The following NR1H3 variants were observed in gnomAD, a reference collection of about 807,000 sequenced individuals.
NR1H3 encodes the protein oxysterols receptor LXR-alpha.
A neutral mutation model predicts 48.1 loss-of-function variants in NR1H3; 19 were observed. The ratio of observed to expected loss-of-function variants is 0.40; its 90% confidence interval spans 0.28 to 0.58. The LOEUF is 0.58. Ranked by LOEUF, NR1H3 falls within the 20% of genes least tolerant of loss-of-function variation. NR1H3 has a pLI of 0.50. For synonymous variants in NR1H3, 232 were observed against 227.3 expected, an observed-to-expected ratio of 1.02 and a Z score of -0.19; for missense variants, 486 against 595.9, an observed-to-expected ratio of 0.82 and a Z score of 1.92.
In NR1H3 at chr11:47,268,793, C is replaced by A; in HGVS notation, c.*97C>A. 6.9e-7 allele frequency: 1 copy of A among 1,447,592 alleles called. No homozygotes were observed. The highest frequency in any genetic ancestry group is 1.3e-5 in the South Asian group (1 of 77,576). The allele number at this position is 1,447,592 out of a possible 1,614,324, so 89.7% of individuals were successfully genotyped here. ...AACAGACTGAGAAGGGCAAACATTCCTGGGAGCTGGGCAAGGAGATCCTCC... is the reference window on the plus strand; with the variant it reads ...AACAGACTGAGAAGGGCAAACATTCATGGGAGCTGGGCAAGGAGATCCTCC... On this transcript the variant is annotated 3_prime_UTR_variant, in exon 10 of 10. Coordinates refer to ENST00000441012, the MANE Select transcript of NR1H3 (RefSeq NM_005693.4).
chr11:47,267,944 C>G lies in NR1H3; in HGVS notation c.1020C>G (p.Phe340Leu). The G allele has an allele frequency of 7.4e-6, 12 of 1,614,102 alleles. No individual in the cohort carries two copies. The highest frequency in any genetic ancestry group is 1.0e-5 in the Non-Finnish European group (12 of 1,180,000). The change falls in exon 8 of 10, where the codon TTC becomes TTG. Residue 340 changes from phenylalanine to leucine, a missense_variant. Phe to Leu is a conservative substitution (Grantham distance 22). Coordinates refer to ENST00000441012, the MANE Select transcript of NR1H3 (RefSeq NM_005693.4). ...GLQVEFINPI[F>L]EFSRAMNELQ... ...AAGTGGAATTCATCAACCCCATCTT[C>G]GAGTTCTCCAGGGCCATGAATGAGC... is the stretch of plus-strand genomic sequence containing the variant.
At chr11:47,253,374 T>C (rs947331977), upstream of NR1H3, among the ~76,000 whole-genome samples, 1 of 152,204 alleles carries the variant, frequency 6.6e-6, no homozygotes, top group Admixed American at 6.5e-5. Flanking sequence ...ATGTATGTAG[T>C]AGGGATGAAA....
upstream of NR1H3, among the ~76,000 whole-genome samples, chr11:47,253,183 A>G (rs1165932851): frequency 1.6e-5 from 2 of 125,400 alleles, no homozygotes; most frequent in Non-Finnish European, 1.6e-5. Context: ...TGCCTAGGCT[A>G]GTCTCAAACT....
intron 8 of NR1H3, 97 bp from the exon 9 acceptor site, chr11:47,268,164 G>T: frequency 7.9e-7 from 1 of 1,271,846 alleles, no homozygotes; most frequent in Non-Finnish European, 1.1e-6. Flanking sequence ...GGATGAGAGA[G>T]CTTGGCTGGA....
rs1210942775 is a variant in NR1H3 at position 47,261,326 on chromosome 11, G to A, written c.585G>A (p.Arg195=). 6.2e-7 allele frequency: 1 copy of A among 1,613,916 alleles called. No homozygotes were observed. Among genetic ancestry groups the A allele is most frequent in the Admixed American group, 1.7e-5 (1 of 59,982 alleles). The part of the protein sequence containing the change: ...EQAHATSLPP[R]ASSPPQILPQ... ...CTCATGCCACATCCTTGCCCCCCAGGGCTTCCTCACCCCCCCAAATCCTGC... is the reference window on the plus strand; with the variant it reads ...CTCATGCCACATCCTTGCCCCCCAGAGCTTCCTCACCCCCCCAAATCCTGC... The change falls in exon 5 of 10, where the codon AGG becomes AGA. Residue 195 remains arginine (R), a synonymous_variant. Transcript: ENST00000441012.
intron 7 of NR1H3, among the ~76,000 whole-genome samples, chr11:47,263,479 G>A (rs1200185154): frequency 6.6e-6 from 1 of 151,652 alleles, no homozygotes; most frequent in African/African-American, 2.4e-5. Flanking sequence ...TGCCCAGGCT[G>A]GTCTCAAAAT....
upstream of NR1H3, among the ~76,000 whole-genome samples, chr11:47,255,562 T>G (rs1443468941): frequency 5.3e-5 from 4 of 74,888 alleles, no homozygotes; most frequent in Non-Finnish European, 9.9e-5. Context: ...TCTTTCTTTC[T>G]TTCTTTCTTT....
At chr11:47,262,151 G>A (rs1955953636) in intron 7 of NR1H3, 133 bp downstream of exon 7, 2 of 636,050 alleles carry the variant, frequency 3.1e-6, no homozygotes, top group Admixed American at 2.9e-5. Flanking sequence ...AGGCCGAGGT[G>A]GGCAGATCAC....
chr11:47,260,752 G>A (rs1183587163), intron 4 of NR1H3, 77 bp downstream of exon 4: 2 of 1,483,240 alleles, frequency 1.3e-6, no homozygotes, highest in Non-Finnish European at 1.8e-6. Context: ...ACAGGTGCCT[G>A]AACTTGCAGG....
chr11:47,253,260 C>T (rs1357973725), upstream of NR1H3, among the ~76,000 whole-genome samples: 1 of 151,474 alleles, frequency 6.6e-6, no homozygotes. Flanking sequence ...TGAGCCACCA[C>T]ACCCAGTCTT....
intron 1 of NR1H3, chr11:47,258,956 A>C (rs780782195): frequency 2.8e-5 from 19 of 676,610 alleles, no homozygotes; most frequent in Non-Finnish European, 3.8e-5. Flanking sequence ...TGAGAGGATC[A>C]CTTGAGCCCA....
Position 47,260,094 on chromosome 11 carries a change from C to A in NR1H3, c.232+115C>A, listed in dbSNP as rs1955668422. On this transcript the variant is annotated intron_variant, in intron 3 of 9. Transcript: ENST00000441012. The stretch of plus-strand genomic sequence containing the variant: ...ATAATCTCATGGTTAAGTTCAGAGG[C>A]TTTAGAGCTAACTAAATCTGACTGA... 5 of 995,564 alleles carry A rather than the reference C, an allele frequency of 5.0e-6. No homozygotes were observed. The East Asian group carries it at 1.4e-4, about 28-fold the overall frequency. 61.7% of individuals were successfully genotyped at this position (995,564 alleles called of 1,614,324 possible).
rs113681661 is a variant in NR1H3, at chr11:47,267,514, C to CTTT, written c.989-387_989-385dup. Among the ~76,000 whole-genome samples, 640 of 145,314 alleles carry CTTT rather than the reference C, an allele frequency of 4.4e-3. 3 individuals carry two copies. The highest frequency in any genetic ancestry group is 0.015 in the African/African-American group (610 of 39,578). On this transcript the variant is annotated intron_variant, in intron 7 of 9. Coordinates refer to ENST00000441012, the MANE Select transcript of NR1H3 (RefSeq NM_005693.4). ...GGTTACACAGCAAAGCCTTGTAGAC[C>CTTT]TTTTTTTTTTTTTTGACGGAATCTC...
intron 9 of NR1H3, 96 bp from the exon 10 acceptor site, chr11:47,268,454 C>G (rs2135749894): frequency 6.3e-7 from 1 of 1,578,832 alleles, no homozygotes; most frequent in South Asian, 1.1e-5. Flanking sequence ...TGACTGCATG[C>G]TGTGCAGACA....
At chr11:47,248,726 G>T, upstream of NR1H3, 1 of 1,611,714 alleles carries the variant, frequency 6.2e-7, no homozygotes, top group Admixed American at 1.7e-5. Context: ...ATCACCACCA[G>T]GTTCACGCCG....
In NR1H3 at chr11:47,268,846, T is replaced by TGCG; in HGVS notation, c.*151_*153dup. The TGCG allele has an allele frequency of 1.0e-6, 1 of 998,844 alleles. No homozygotes were observed. Among genetic ancestry groups the TGCG allele is most frequent in the Non-Finnish European group, 1.4e-6 (1 of 691,664 alleles). 61.9% of individuals were successfully genotyped at this position (998,844 alleles called of 1,614,324 possible). A position where few individuals can be genotyped will look rare whatever the true frequency, so the allele number is the denominator to read the frequency against. ...TGGCATTAAAAGAGAGTCAAAGGGT[T>TGCG]GCGAGTTTTGTGGCTACTGAGCAGT... On this transcript the variant is annotated 3_prime_UTR_variant, in exon 10 of 10. Transcript: ENST00000441012.
At chr11:47,248,985 G>C (rs1172755901) in exon 1 of NR1H3, 3 of 1,509,772 alleles carry the variant, frequency 2.0e-6, no homozygotes, top group Non-Finnish European at 2.6e-6. Context: ...GGCTGTGGCG[G>C]AGGAGCATAA....
Position 47,268,784 on chromosome 11 carries a change from C to A in NR1H3, c.*88C>A. On this transcript the variant is annotated 3_prime_UTR_variant, in exon 10 of 10. Transcript: ENST00000441012. ...TAGAAGTGGAACAGACTGAGAAGGG[C>A]AAACATTCCTGGGAGCTGGGCAAGG... 1 of 1,490,894 alleles carries A rather than the reference C, an allele frequency of 6.7e-7. No homozygotes were observed. The highest frequency in any genetic ancestry group is 9.1e-7 in the Non-Finnish European group (1 of 1,100,692). 92.4% of individuals were successfully genotyped at this position (1,490,894 alleles called of 1,614,324 possible). A position where few individuals can be genotyped will look rare whatever the true frequency, so the allele number is the denominator to read the frequency against.
intron 1 of NR1H3, among the ~76,000 whole-genome samples, chr11:47,249,459 C>T (rs1954426078): frequency 6.6e-6 from 1 of 152,136 alleles, no homozygotes; most frequent in Admixed American, 6.5e-5. Flanking sequence ...TAATTAGAGT[C>T]AAGACGTCAT....
Sources: gnomAD v4.1 joint callset for allele counts (sites outside exome capture counted in the v4.1 genomes callset) on GRCh38, gnomAD v4.1.1 for gene constraint, MANE v1.5 for transcripts, NCBI Gene and HGNC (gene_info 2026-07-23, HGNC 2026-07-21) for gene names.